The following CTNND2 variants were observed in gnomAD, a reference collection of about 807,000 sequenced individuals.
The protein encoded by CTNND2 is catenin delta-2.
In CTNND2, 22 loss-of-function variants were observed where a neutral mutation model predicts 144.4. That is an observed-to-expected ratio of 0.15 (90% CI 0.11 to 0.22). The LOEUF (loss-of-function observed/expected upper bound fraction) is 0.22. Ranked by LOEUF, CTNND2 falls within the 10% of genes least tolerant of loss-of-function variation. The probability of loss-of-function intolerance (pLI) is 1.00; values close to 1 mark genes in which losing one functional copy is unlikely to be tolerated. For synonymous variants in CTNND2, 751 were observed against 695.6 expected, an observed-to-expected ratio of 1.08 and a Z score of -1.25; for missense variants, 1,353 against 1,618.8, an observed-to-expected ratio of 0.84 and a Z score of 2.82.
chr5:10,992,049 C>G (rs1007371895), intron 19 of CTNND2, among the ~76,000 whole-genome samples: 3 of 152,234 alleles, frequency 2.0e-5, no homozygotes, highest in Admixed American at 1.3e-4. Context: ...TCCCGAGTAG[C>G]TGGGATTACA....
chr5:11,718,681 A>G (rs1786492849), intron 2 of CTNND2, among the ~76,000 whole-genome samples: 1 of 152,152 alleles, frequency 6.6e-6, no homozygotes, highest in South Asian at 2.1e-4. Flanking sequence ...AGAACACTGA[A>G]ATGTAACATG....
At chr5:11,653,365 G>C (rs778066466) in intron 2 of CTNND2, among the ~76,000 whole-genome samples, 12 of 151,856 alleles carry the variant, frequency 7.9e-5, no homozygotes, top group Non-Finnish European at 1.8e-4. Flanking sequence ...TCATGATGAG[G>C]GTTCTCTTTT....
chr5:11,097,120 T>TG, intron 15 of CTNND2, among the ~76,000 whole-genome samples: 2 of 152,284 alleles, frequency 1.3e-5, no homozygotes, highest in South Asian at 4.2e-4. Flanking sequence ...TGAGACACAG[T>TG]GATATGCTGT....
chr5:11,334,906 A>G (rs560125860), intron 9 of CTNND2, among the ~76,000 whole-genome samples: 3 of 152,362 alleles, frequency 2.0e-5, no homozygotes, highest in South Asian at 2.1e-4. Flanking sequence ...AGAATACTGA[A>G]AAGGTACAAT....
intron 9 of CTNND2, among the ~76,000 whole-genome samples, chr5:11,305,013 A>G (rs1456513534): frequency 6.6e-6 from 1 of 152,232 alleles, no homozygotes; most frequent in Non-Finnish European, 1.5e-5. Flanking sequence ...CTGAGCCACC[A>G]GGCAGCAGTC....
chr5:11,514,349 AT>A (rs1771954144), intron 3 of CTNND2, among the ~76,000 whole-genome samples: 1 of 152,214 alleles, frequency 6.6e-6, no homozygotes, highest in African/African-American at 2.4e-5. Context: ...GTTTAAAAAA[AT>A]AATGTTCTAC....
intron 3 of CTNND2, among the ~76,000 whole-genome samples, chr5:11,419,016 AGATGTC>A: frequency 5.5e-5 from 8 of 146,144 alleles, no homozygotes; most frequent in Non-Finnish European, 9.0e-5. Context: ...ATATCTATAT[AGATGTC>A]TATCTATATA....
intron 6 of CTNND2, among the ~76,000 whole-genome samples, chr5:11,393,705 G>C (rs1289899850): frequency 1.3e-5 from 2 of 152,112 alleles, no homozygotes; most frequent in African/African-American, 2.4e-5. Flanking sequence ...CAATTATGAG[G>C]GATATGAAGG....
intron 15 of CTNND2, among the ~76,000 whole-genome samples, chr5:11,087,124 T>A (rs2149644948): frequency 6.6e-6 from 1 of 152,338 alleles, no homozygotes; most frequent in African/African-American, 2.4e-5. Flanking sequence ...TATCCTCAGT[T>A]TTTCTTTTAA....
intron 2 of CTNND2, among the ~76,000 whole-genome samples, chr5:11,619,350 T>A (rs145549898): frequency 9.9e-5 from 15 of 152,116 alleles, no homozygotes. Flanking sequence ...AGAGGTTGCA[T>A]TGAGCTGAGA....
chr5:11,277,901 C>T (rs1440291508), intron 9 of CTNND2, among the ~76,000 whole-genome samples: 1 of 152,096 alleles, frequency 6.6e-6, no homozygotes, highest in Admixed American at 6.5e-5. Flanking sequence ...TCCAGACACC[C>T]AACCACCCCA....
chr5:11,808,452 G>A (rs1200839406), intron 1 of CTNND2, among the ~76,000 whole-genome samples: 1 of 152,080 alleles, frequency 6.6e-6, no homozygotes, highest in African/African-American at 2.4e-5. Context: ...ACTTTCTCTG[G>A]GAATTCTTTA....
At chr5:11,573,353 C>A (rs1777726527) in intron 2 of CTNND2, among the ~76,000 whole-genome samples, 1 of 152,194 alleles carries the variant, frequency 6.6e-6, no homozygotes, top group Non-Finnish European at 1.5e-5. Flanking sequence ...TTGAGTATGC[C>A]TGGGTGATCT....
intron 2 of CTNND2, among the ~76,000 whole-genome samples, chr5:11,642,316 T>A (rs1408963306): frequency 1.3e-5 from 2 of 152,136 alleles, no homozygotes; most frequent in Non-Finnish European, 2.9e-5. Context: ...TTATAATAAA[T>A]CATCAAATTA....
chr5:11,240,259 AAC>A (rs1176450618), intron 9 of CTNND2, among the ~76,000 whole-genome samples: 38 of 107,096 alleles, frequency 3.5e-4, no homozygotes, highest in African/African-American at 4.8e-4. Context: ...TCACACACCC[AAC>A]ACACACACAC....
intron 3 of CTNND2, among the ~76,000 whole-genome samples, chr5:11,564,379 G>A (rs1186310343): frequency 6.6e-6 from 1 of 152,006 alleles, no homozygotes; most frequent in Non-Finnish European, 1.5e-5. Flanking sequence ...GTGGTCAAGT[G>A]GCTAAAAAGT....
chr5:11,338,244 G>A (rs1322458350), intron 9 of CTNND2, among the ~76,000 whole-genome samples: 1 of 152,180 alleles, frequency 6.6e-6, no homozygotes, highest in East Asian at 1.9e-4. Context: ...GCTTGGATTT[G>A]GCTTTTTGCC....
At chr5:11,264,563 CT>C (rs2149962822) in intron 9 of CTNND2, among the ~76,000 whole-genome samples, 1 of 152,186 alleles carries the variant, frequency 6.6e-6, no homozygotes, top group East Asian at 1.9e-4. Flanking sequence ...GACACCACAT[CT>C]CCAGAAGCCG....
chr5:11,403,142 T>A (rs957484009), intron 5 of CTNND2, among the ~76,000 whole-genome samples: 1 of 152,202 alleles, frequency 6.6e-6, no homozygotes, highest in Non-Finnish European at 1.5e-5. Flanking sequence ...CCTATCAACC[T>A]GTCATCTAGG....
Sources: gnomAD v4.1 joint callset for allele counts (sites outside exome capture counted in the v4.1 genomes callset) on GRCh38, gnomAD v4.1.1 for gene constraint, MANE v1.5 for transcripts, NCBI Gene and HGNC (gene_info 2026-07-23, HGNC 2026-07-21) for gene names.